The following CERT1 variants were observed in gnomAD, a reference collection of about 807,000 sequenced individuals.
CERT1 encodes ceramide transfer protein.
In CERT1, 31 loss-of-function variants were observed where a neutral mutation model predicts 87.9. That is an observed-to-expected ratio of 0.35 (90% confidence interval 0.27 to 0.48). The LOEUF (loss-of-function observed/expected upper bound fraction) is 0.48. Among genes scored for constraint, CERT1 ranks in the 20% least tolerant of loss-of-function variants. The pLI is 0.99. For synonymous variants in CERT1, 289 were observed against 250.9 expected, an observed-to-expected ratio of 1.15 and a Z score of -1.44; for missense variants, 487 against 758.0, an observed-to-expected ratio of 0.64 and a Z score of 4.20.
At chr5:75,419,521 T>G in intron 5 of CERT1, 97 bp from the exon 6 acceptor site, 1 of 806,752 alleles carries the variant, frequency 1.2e-6, no homozygotes, top group Non-Finnish European at 2.0e-6. Flanking sequence ...GGATTCTGAT[T>G]CTGAGTATGA....
chr5:75,506,264 C>A, intron 1 of CERT1, 148 bp from the exon 2 acceptor site: 1 of 585,424 alleles, frequency 1.7e-6, no homozygotes. Flanking sequence ...AAAATGATTA[C>A]AAAAAGTGAA....
chr5:75,462,789 C>T (rs946911928), intron 2 of CERT1, among the ~76,000 whole-genome samples: 1 of 151,864 alleles, frequency 6.6e-6, no homozygotes, highest in Non-Finnish European at 1.5e-5. Flanking sequence ...GTCAGGAGAT[C>T]GAGACCATCT....
intron 15 of CERT1, among the ~76,000 whole-genome samples, chr5:75,381,544 T>C (rs1235377336): frequency 6.6e-6 from 1 of 152,080 alleles, no homozygotes; most frequent in East Asian, 1.9e-4. Context: ...AAAAAAATTT[T>C]TTTTAATAGA....
intron 12 of CERT1, among the ~76,000 whole-genome samples, chr5:75,389,388 T>A (rs957800690): frequency 9.2e-5 from 14 of 152,362 alleles, no homozygotes; most frequent in African/African-American, 3.1e-4. Context: ...ATTTATATTA[T>A]AATCATAAAA....
At chr5:75,373,950 T>C (rs192813743), downstream of CERT1, 5 of 396,584 alleles carry the variant, frequency 1.3e-5, no homozygotes, top group East Asian at 7.2e-5. Flanking sequence ...AATAAAAATA[T>C]AGCCATATAC....
chr5:75,457,427 C>T (rs1165566851), intron 3 of CERT1, among the ~76,000 whole-genome samples: 2 of 152,132 alleles, frequency 1.3e-5, no homozygotes, highest in African/African-American at 4.8e-5. Flanking sequence ...GCATGCATGG[C>T]CTGGCTCCAG....
At chr5:75,466,671 G>C (rs1765468062) in intron 2 of CERT1, among the ~76,000 whole-genome samples, 1 of 152,134 alleles carries the variant, frequency 6.6e-6, no homozygotes. Flanking sequence ...CTCATTCCAG[G>C]AGGGTCCTAA....
chr5:75,406,016 A>G (rs1238519245), intron 8 of CERT1, among the ~76,000 whole-genome samples: 1 of 152,180 alleles, frequency 6.6e-6, no homozygotes, highest in Non-Finnish European at 1.5e-5. Context: ...TTATACAAAA[A>G]GTGTCCAAGT....
rs1476668060 is a variant in CERT1, at chr5:75,458,941, C to A, written c.348+124G>T. On this transcript the variant is annotated intron_variant, in intron 3 of 16. Transcript: ENST00000643780. ...AAATTTACATATGAACTGCTTTAAT[C>A]TTTATCATCCAAATAATGTTCAATG... The A allele has an allele frequency of 4.7e-6, 3 of 635,182 alleles. No homozygotes were observed. The African/African-American group carries it at 5.4e-5, about 12-fold the overall frequency. 39.3% of individuals were successfully genotyped at this position (635,182 alleles called of 1,614,324 possible).
intron 7 of CERT1, among the ~76,000 whole-genome samples, chr5:75,414,886 C>A (rs1273566735): frequency 6.6e-6 from 1 of 152,092 alleles, no homozygotes. Flanking sequence ...AAGCACACAG[C>A]AGGCACACAC....
chr5:75,433,119 T>G (rs758646457), intron 3 of CERT1, among the ~76,000 whole-genome samples: 1 of 152,244 alleles, frequency 6.6e-6, no homozygotes, highest in Non-Finnish European at 1.5e-5. Context: ...CAGTTTAAAA[T>G]TAGGTAGTGT....
At chr5:75,474,421 G>A (rs1765863201) in intron 2 of CERT1, among the ~76,000 whole-genome samples, 1 of 152,080 alleles carries the variant, frequency 6.6e-6, no homozygotes, top group Non-Finnish European at 1.5e-5. Flanking sequence ...ACAGTTTGGT[G>A]AAATAAAGTT....
chr5:75,476,125 T>C (rs1032952285), intron 2 of CERT1, among the ~76,000 whole-genome samples: 1 of 152,180 alleles, frequency 6.6e-6, no homozygotes, highest in Non-Finnish European at 1.5e-5. Flanking sequence ...ATAGGGATTA[T>C]TTATTTAACA....
intron 6 of CERT1, 117 bp downstream of exon 6, chr5:75,419,224 G>C (rs904684443): frequency 1.0e-5 from 6 of 589,514 alleles, no homozygotes; most frequent in Middle Eastern, 4.0e-4. Context: ...TTTTCACTTG[G>C]ATTCCACCAG....
chr5:75,377,380 C>G (rs1761363491), downstream of CERT1: 2 of 152,186 alleles, frequency 1.3e-5, no homozygotes, highest in Admixed American at 1.3e-4. Flanking sequence ...AGTACCACAT[C>G]TATTAATTTT....
intron 2 of CERT1, among the ~76,000 whole-genome samples, chr5:75,481,545 A>C (rs1165684038): frequency 6.6e-6 from 1 of 152,220 alleles, no homozygotes; most frequent in Non-Finnish European, 1.5e-5. Context: ...TAACAGCCTA[A>C]GAGGAACAGA....
At chr5:75,435,314 T>C (rs1232172139) in intron 3 of CERT1, among the ~76,000 whole-genome samples, 1 of 152,222 alleles carries the variant, frequency 6.6e-6, no homozygotes, top group Non-Finnish European at 1.5e-5. Flanking sequence ...AATGGCTATG[T>C]CATCTTTCAA....
chr5:75,392,334 G>A (rs914030528), intron 11 of CERT1, among the ~76,000 whole-genome samples: 3 of 152,224 alleles, frequency 2.0e-5, no homozygotes, highest in East Asian at 1.9e-4. Flanking sequence ...ATGGAAAACC[G>A]GTTTTCAAAA....
intron 7 of CERT1, among the ~76,000 whole-genome samples, chr5:75,411,684 C>A (rs1020804681): frequency 1.3e-5 from 2 of 152,024 alleles, no homozygotes; most frequent in African/African-American, 4.8e-5. Flanking sequence ...TAAGTAACTG[C>A]ATGTATACTT....
Sources: allele counts gnomAD v4.1 joint callset (sites outside exome capture counted in the v4.1 genomes callset), GRCh38; gene constraint gnomAD v4.1.1; transcripts MANE v1.5; gene names NCBI Gene and HGNC (gene_info 2026-07-23, HGNC 2026-07-21).